The following BSDC1 variants were observed in gnomAD, a reference collection of about 807,000 sequenced individuals.
BSDC1 encodes BSD domain-containing protein 1.
BSDC1 carries 29 observed loss-of-function variants against 56.0 expected under a neutral mutation model. The ratio of observed to expected loss-of-function variants is 0.52; its 90% CI spans 0.39 to 0.71. The LOEUF is 0.71. Among genes scored for constraint, BSDC1 ranks in the 30% least tolerant of loss-of-function variants. The pLI is 0.00. For synonymous variants in BSDC1, 210 were observed against 215.3 expected (o/e 0.98, Z 0.21); for missense variants, 477 against 548.5 (o/e 0.87, Z 1.30).
intron 2 of BSDC1, among the ~76,000 whole-genome samples, chr1:32,388,963 T>C (rs529940593): frequency 2.6e-5 from 4 of 151,468 alleles, no homozygotes; most frequent in Admixed American, 2.6e-4. Flanking sequence ...TTTTCTTTTT[T>C]TTTTTTTTTG....
At chr1:32,387,437 G>A (rs78581178) in intron 2 of BSDC1, among the ~76,000 whole-genome samples, 2 of 152,106 alleles carry the variant, frequency 1.3e-5, no homozygotes, top group African/African-American at 4.8e-5. Context: ...CGCCTCCCGG[G>A]TTCAAGCGAT....
chr1:32,379,908 CA>C (rs1402288722), intron 5 of BSDC1, among the ~76,000 whole-genome samples: 3 of 152,180 alleles, frequency 2.0e-5, no homozygotes, highest in Non-Finnish European at 4.4e-5. Context: ...AATGCTGCCC[CA>C]AGGGCTGCTT....
chr1:32,370,852 T>A (rs560045018), intron 9 of BSDC1, among the ~76,000 whole-genome samples: 3 of 151,068 alleles, frequency 2.0e-5, no homozygotes, highest in Non-Finnish European at 4.4e-5. Flanking sequence ...TGTCACATCA[T>A]TTGTTTACAT....
chr1:32,376,273 T>C lies in BSDC1; in HGVS notation c.1145A>G (p.Asn382Ser). 1 of 1,502,072 alleles carries C rather than the reference T, an allele frequency of 6.7e-7. No homozygotes were observed. Among genetic ancestry groups the C allele is most frequent in the Non-Finnish European group, 9.0e-7 (1 of 1,115,182 alleles). 93.0% of individuals were successfully genotyped at this position (1,502,072 alleles called of 1,614,324 possible). Residue 382 changes from asparagine to serine, a missense_variant, in exon 9 of 11, where the codon AAT becomes AGT. Coordinates refer to ENST00000455895, the MANE Select transcript of BSDC1 (RefSeq NM_018045.8). ...SDSGKSTPSN[N>S]GKKGSSTDIS... ...ACCTCCAGACCTACCTTTCTTTCCA[T>C]TGTTGGAGGGTGTAGACTTCCCACT...
chr1:32,369,403 G>T, intron 9 of BSDC1: 2 of 759,032 alleles, frequency 2.6e-6, no homozygotes, highest in Non-Finnish European at 3.8e-6. Flanking sequence ...CAGCTACTCA[G>T]GAGGCTGAGG....
At chr1:32,382,692 C>T (rs1642523822) in intron 4 of BSDC1, among the ~76,000 whole-genome samples, 1 of 140,042 alleles carries the variant, frequency 7.1e-6, no homozygotes, top group African/African-American at 2.8e-5. Context: ...GAGACCTCAT[C>T]GCTACAAAAA....
intron 9 of BSDC1, among the ~76,000 whole-genome samples, chr1:32,375,824 G>A (rs1431681339): frequency 6.6e-6 from 1 of 152,204 alleles, no homozygotes; most frequent in Non-Finnish European, 1.5e-5. Context: ...CAAAAAGATA[G>A]AAATTGGCAC....
intron 4 of BSDC1, 61 bp from the exon 5 acceptor site, chr1:32,381,329 T>C: frequency 6.6e-7 from 1 of 1,512,878 alleles, no homozygotes; most frequent in South Asian, 1.2e-5. Context: ...GAAAGCACCC[T>C]TTCTCTGCCA....
chr1:32,371,531 C>G (rs183492458), intron 9 of BSDC1, among the ~76,000 whole-genome samples: 1 of 151,840 alleles, frequency 6.6e-6, no homozygotes, highest in Non-Finnish European at 1.5e-5. Context: ...AGGATGGTCT[C>G]GATCTCCTGA....
At chr1:32,381,765 T>C (rs1291643087) in intron 4 of BSDC1, among the ~76,000 whole-genome samples, 1 of 152,238 alleles carries the variant, frequency 6.6e-6, no homozygotes, top group African/African-American at 2.4e-5. Flanking sequence ...TCTTCCTCAG[T>C]ATTGCAGGAA....
chr1:32,381,699 G>A lies in BSDC1; in HGVS notation c.358-431C>T, dbSNP rs148811229. ...GTATAGCCAGTCTCTACCAAGTTAC[G>A]TTCCCACTAGGATCACAGGGTGGCA... On this transcript the variant is annotated intron_variant, in intron 4 of 10. Coordinates refer to ENST00000455895, the MANE Select transcript of BSDC1 (RefSeq NM_018045.8). Among the ~76,000 whole-genome samples the A allele has an allele frequency of 3.8e-3, 577 of 152,246 alleles. 1 individual carries two copies. The highest frequency in any genetic ancestry group is 0.013 in the African/African-American group (534 of 41,538).
chr1:32,394,015 G>C, intron 2 of BSDC1, 65 bp downstream of exon 2: 1 of 1,531,876 alleles, frequency 6.5e-7, no homozygotes, highest in Non-Finnish European at 8.9e-7. Flanking sequence ...GGGGCTGGTT[G>C]GACCAGGTTG....
rs371990220 is a variant in BSDC1, at chr1:32,378,031, G to A, written c.615C>T (p.Asp205=). ...TCTGTTCCGCCCGCTGCTTCAGGGC[G>A]TCCCTCCGGGCCTGCTCCTGAATGT... ...HQLEQEQARR[D]ALKQRAEQSI... is the part of the protein sequence containing the mutation. The change falls in exon 8 of 11, where the codon GAC becomes GAT. Residue 205 remains aspartate, a synonymous_variant. Transcript: ENST00000455895. This position sits in a 1 kb window ranked among gnomAD's most constrained non-coding sequence, Gnocchi z 5.2. 7.7e-5 allele frequency: 124 copies of A among 1,612,446 alleles called. No homozygotes were observed. The highest frequency in any genetic ancestry group is 8.9e-5 in the East Asian group (4 of 44,878).
At chr1:32,372,831 T>C (rs931754515) in intron 9 of BSDC1, among the ~76,000 whole-genome samples, 3 of 152,210 alleles carry the variant, frequency 2.0e-5, no homozygotes, top group East Asian at 1.9e-4. Flanking sequence ...AGTTAAGAAA[T>C]AGAGGCAAAA....
intron 9 of BSDC1, among the ~76,000 whole-genome samples, chr1:32,375,775 G>C (rs1003615935): frequency 1.3e-5 from 2 of 152,184 alleles, no homozygotes; most frequent in Non-Finnish European, 2.9e-5. Context: ...TAACATCAAT[G>C]TCACTGGGAT....
In BSDC1 at chr1:32,366,321, AG is replaced by A; in HGVS notation, c.*300del. The A allele has an allele frequency of 3.4e-6, 2 of 592,474 alleles. No individual in the cohort carries two copies. Among genetic ancestry groups the A allele is most frequent in the South Asian group, 3.5e-5 (2 of 57,288 alleles). The allele number at this position is 592,474 out of a possible 1,614,324, so 36.7% of individuals were successfully genotyped here. On this transcript the variant is annotated 3_prime_UTR_variant, in exon 11 of 11. Transcript: ENST00000455895. ...TTGGGACTTCCCAGCAGGAGTCCTC[AG>A]GAACAGTGGGTGTTCAGCAGAAAAA...
At chr1:32,372,512 G>A (rs1287630326) in intron 9 of BSDC1, among the ~76,000 whole-genome samples, 17 of 152,208 alleles carry the variant, frequency 1.1e-4, no homozygotes, top group Admixed American at 2.0e-4. Context: ...CTAGCTCTTG[G>A]GTGGGTATTA....
intron 2 of BSDC1, among the ~76,000 whole-genome samples, chr1:32,389,047 C>T (rs924851416): frequency 4.0e-5 from 6 of 151,766 alleles, no homozygotes; most frequent in East Asian, 1.9e-4. Context: ...CTCTGCCTCC[C>T]GGGTTCATGC....
At chr1:32,386,940 A>C in intron 2 of BSDC1, 45 bp from the exon 3 acceptor site, 1 of 1,478,240 alleles carries the variant, frequency 6.8e-7, no homozygotes, top group Non-Finnish European at 9.4e-7. Flanking sequence ...TGGCCCCACC[A>C]CCCCTTGTTC....
Sources: allele counts gnomAD v4.1 joint callset (sites outside exome capture counted in the v4.1 genomes callset), GRCh38; gene constraint gnomAD v4.1.1; non-coding constraint Gnocchi (gnomAD v3.1); transcripts MANE v1.5; gene names NCBI Gene and HGNC (gene_info 2026-07-23, HGNC 2026-07-21).